DLG2: variants seen among roughly 807,000 people sequenced by gnomAD.
The protein encoded by DLG2 is disks large homolog 2.
In DLG2, 45 loss-of-function variants were observed where a neutral mutation model predicts 132.5. The ratio of observed to expected loss-of-function variants is 0.34; its 90% confidence interval spans 0.27 to 0.44. The LOEUF (loss-of-function observed/expected upper bound fraction) is 0.44. DLG2 is among the 20% of genes least tolerant of loss of function. The pLI, the probability that DLG2 is intolerant of heterozygous loss-of-function variation, is 1.00. For missense variants in DLG2, 1,045 were observed against 1,196.9 expected, an observed-to-expected ratio of 0.87 and a Z score of 1.87; for synonymous variants, 424 against 419.6, an observed-to-expected ratio of 1.01 and a Z score of -0.13.
At chr11:84,703,887 CGTGTGTGTGT>C (rs370287195) in intron 6 of DLG2, among the ~76,000 whole-genome samples, 1 of 114,746 alleles carries the variant, frequency 8.7e-6, no homozygotes, top group Non-Finnish European at 1.7e-5. Context: ...TATATATACA[CGTGTGTGTGT>C]GTGTGTGTGT....
chr11:83,910,991 A>C (rs2075945675), intron 15 of DLG2, among the ~76,000 whole-genome samples: 1 of 152,174 alleles, frequency 6.6e-6, no homozygotes, highest in Admixed American at 6.6e-5. Context: ...CGATTACACA[A>C]AGTAATCTTT....
intron 10 of DLG2, among the ~76,000 whole-genome samples, chr11:84,087,359 G>T (rs747010421): frequency 6.6e-6 from 1 of 152,154 alleles, no homozygotes; most frequent in Non-Finnish European, 1.5e-5. Flanking sequence ...TGGGTATAAA[G>T]TGGTATCTCC....
chr11:84,410,729 AC>A (rs1167666448), intron 7 of DLG2, among the ~76,000 whole-genome samples: 1 of 151,630 alleles, frequency 6.6e-6, no homozygotes, highest in Non-Finnish European at 1.5e-5. Context: ...ACAGGTGCCC[AC>A]CACCATGCCC....
At chr11:85,224,221 G>A (rs1156446558) in intron 4 of DLG2, among the ~76,000 whole-genome samples, 1 of 152,142 alleles carries the variant, frequency 6.6e-6, no homozygotes, top group Non-Finnish European at 1.5e-5. Context: ...CTGCTTGAAG[G>A]ACATAATAAT....
chr11:84,639,745 C>T (rs563116641), intron 6 of DLG2, among the ~76,000 whole-genome samples: 2 of 152,178 alleles, frequency 1.3e-5, no homozygotes, highest in South Asian at 4.1e-4. Context: ...CCAATGCTCC[C>T]TCCCAGGGTC....
intron 18 of DLG2, among the ~76,000 whole-genome samples, chr11:83,769,441 T>G (rs57450388): frequency 6.6e-6 from 1 of 151,766 alleles, no homozygotes; most frequent in African/African-American, 2.4e-5. Flanking sequence ...GAAGTACAAG[T>G]CTGAGGGAGA....
At chr11:85,151,324 C>T (rs1290032072) in intron 5 of DLG2, among the ~76,000 whole-genome samples, 1 of 151,186 alleles carries the variant, frequency 6.6e-6, no homozygotes, top group East Asian at 1.9e-4. Flanking sequence ...TGTCTTTTCA[C>T]TCTGGTCATT....
intron 7 of DLG2, among the ~76,000 whole-genome samples, chr11:84,506,055 T>A (rs978140797): frequency 4.7e-5 from 7 of 150,430 alleles, no homozygotes; most frequent in Admixed American, 4.6e-4. Context: ...CAGTTTGCTC[T>A]AATGTTATGA....
intron 3 of DLG2, among the ~76,000 whole-genome samples, chr11:85,323,642 T>C (rs2081237679): frequency 6.6e-6 from 1 of 152,180 alleles, no homozygotes; most frequent in Non-Finnish European, 1.5e-5. Context: ...ACCAACCTCT[T>C]TTTATCCTCT....
At chr11:84,445,394 G>C (rs568436977) in intron 7 of DLG2, among the ~76,000 whole-genome samples, 4 of 152,218 alleles carry the variant, frequency 2.6e-5, no homozygotes, top group African/African-American at 9.6e-5. Flanking sequence ...CTTTGAATGA[G>C]AGTATAGAAA....
intron 11 of DLG2, among the ~76,000 whole-genome samples, chr11:84,008,321 A>G (rs962099580): frequency 1.4e-4 from 21 of 152,078 alleles, no homozygotes; most frequent in African/African-American, 5.1e-4. Flanking sequence ...TATCAGTTTC[A>G]TATGGACATA....
In DLG2 at chr11:84,967,749, C is replaced by T. The variant is rs375837973; in HGVS notation, c.357+143912G>A. ...TTATATTTCCATGATTGGAAAAATCCTCAAAGCAATTCTCAAAGACTGAAA... is the reference window on the plus strand; with the variant it reads ...TTATATTTCCATGATTGGAAAAATCTTCAAAGCAATTCTCAAAGACTGAAA... On this transcript the variant is annotated intron_variant, in intron 6 of 27. Coordinates refer to ENST00000376104, the MANE Select transcript of DLG2 (RefSeq NM_001142699.3). 1.1e-4 allele frequency among the ~76,000 whole-genome samples: 17 copies of T among 152,010 alleles called. No individual in the cohort carries two copies. The East Asian group carries it at 3.3e-3, about 29-fold the overall frequency.
intron 6 of DLG2, among the ~76,000 whole-genome samples, chr11:84,740,141 T>C (rs1262898432): frequency 1.3e-5 from 2 of 150,966 alleles, no homozygotes; most frequent in East Asian, 3.9e-4. Flanking sequence ...AGAAAAACAG[T>C]TAACATTTTA....
At chr11:83,971,849 T>C (rs946202655) in intron 12 of DLG2, among the ~76,000 whole-genome samples, 1 of 152,178 alleles carries the variant, frequency 6.6e-6, no homozygotes, top group Non-Finnish European at 1.5e-5. Flanking sequence ...TTAACTATTA[T>C]AATAAAATGT....
chr11:83,574,722 CTGT>C (rs149340903), intron 19 of DLG2, among the ~76,000 whole-genome samples: 70 of 152,304 alleles, frequency 4.6e-4, no homozygotes, highest in Non-Finnish European at 9.3e-4. Context: ...CCCATCAGAA[CTGT>C]TGTTTCCAAG....
chr11:85,107,602 G>A (rs2071984058), intron 6 of DLG2, among the ~76,000 whole-genome samples: 1 of 151,962 alleles, frequency 6.6e-6, no homozygotes, highest in Non-Finnish European at 1.5e-5. Flanking sequence ...CTGAGTCCTA[G>A]AAACTGTGGA....
intron 8 of DLG2, among the ~76,000 whole-genome samples, chr11:84,236,478 A>G (rs2097159785): frequency 6.6e-6 from 1 of 152,182 alleles, no homozygotes; most frequent in Non-Finnish European, 1.5e-5. Flanking sequence ...TTCTCTCAGT[A>G]TTTTTGGGGG....
chr11:83,489,376 TA>T (rs1174235302), intron 21 of DLG2, among the ~76,000 whole-genome samples: 4 of 151,754 alleles, frequency 2.6e-5, no homozygotes, highest in African/African-American at 9.7e-5. Context: ...AAGAAACCAA[TA>T]AAAAATGGCA....
At chr11:84,211,210 T>C (rs1341575377) in intron 8 of DLG2, among the ~76,000 whole-genome samples, 1 of 152,162 alleles carries the variant, frequency 6.6e-6, no homozygotes, top group Non-Finnish European at 1.5e-5. Flanking sequence ...CTCATATTGG[T>C]GATACAAAAG....
Sources: gnomAD v4.1 joint callset for allele counts (sites outside exome capture counted in the v4.1 genomes callset) on GRCh38, gnomAD v4.1.1 for gene constraint, MANE v1.5 for transcripts, NCBI Gene and HGNC (gene_info 2026-07-23, HGNC 2026-07-21) for gene names.